The following AGXT2 variants were observed in gnomAD, a reference collection of about 807,000 sequenced individuals.
AGXT2 encodes the protein alanine--glyoxylate aminotransferase 2.
In AGXT2, 61 loss-of-function variants were observed where a neutral mutation model predicts 62.5. The ratio of observed to expected loss-of-function variants is 0.98; its 90% CI spans 0.79 to 1.21. The LOEUF (loss-of-function observed/expected upper bound fraction) is 1.21. Among genes scored for constraint, AGXT2 ranks in the 50% most tolerant of loss-of-function variants. The pLI is 0.00. For synonymous variants in AGXT2, 243 were observed against 218.7 expected, an observed-to-expected ratio of 1.11 and a Z score of -0.98; for missense variants, 666 against 641.5, an observed-to-expected ratio of 1.04 and a Z score of -0.41.
chr5:35,005,375 C>T (rs1174335340), intron 12 of AGXT2, among the ~76,000 whole-genome samples: 1 of 152,080 alleles, frequency 6.6e-6, no homozygotes, highest in African/African-American at 2.4e-5. Context: ...ATTACAGGCA[C>T]CTGCCACCAC....
At chr5:35,004,565 G>A (rs1446636844) in intron 12 of AGXT2, among the ~76,000 whole-genome samples, 2 of 152,144 alleles carry the variant, frequency 1.3e-5, no homozygotes, top group Admixed American at 6.5e-5. Context: ...GAGTACAAAC[G>A]TCTCCCTCTG....
chr5:35,019,453 A>G (rs1290020369), intron 9 of AGXT2, among the ~76,000 whole-genome samples: 1 of 151,362 alleles, frequency 6.6e-6, no homozygotes, highest in Non-Finnish European at 1.5e-5. Flanking sequence ...TGGAAACTGA[A>G]CAACCTGCTC....
chr5:35,042,007 T>C (rs1768008433), intron 1 of AGXT2, among the ~76,000 whole-genome samples: 1 of 152,228 alleles, frequency 6.6e-6, no homozygotes, highest in South Asian at 2.1e-4. Context: ...ATTGTGTCTC[T>C]CTGCATTCGT....
At chr5:35,021,654 C>T (rs1189773006) in intron 9 of AGXT2, among the ~76,000 whole-genome samples, 4 of 151,348 alleles carry the variant, frequency 2.6e-5, no homozygotes, top group Admixed American at 2.0e-4. Flanking sequence ...ATTCAGGACA[C>T]AGGCATGGGC....
chr5:35,032,534 G>A (rs1459130515), intron 7 of AGXT2, among the ~76,000 whole-genome samples, 198 bp downstream of exon 7: 1 of 152,166 alleles, frequency 6.6e-6, no homozygotes, highest in African/African-American at 2.4e-5. Context: ...CCAGACAGAT[G>A]GTCTGAGAGT....
intron 13 of AGXT2, among the ~76,000 whole-genome samples, chr5:34,999,215 T>C (rs1766139499): frequency 6.6e-6 from 1 of 152,246 alleles, no homozygotes; most frequent in South Asian, 2.1e-4. Context: ...TCCACCCTTC[T>C]GCAACCATTC....
chr5:35,015,533 C>T (rs763502108), intron 9 of AGXT2, among the ~76,000 whole-genome samples: 2 of 151,992 alleles, frequency 1.3e-5, no homozygotes, highest in Non-Finnish European at 2.9e-5. Context: ...CACTAGAAGC[C>T]GATTCTGAAA....
At chr5:35,015,491 A>C (rs1396000026) in intron 9 of AGXT2, among the ~76,000 whole-genome samples, 1 of 152,012 alleles carries the variant, frequency 6.6e-6, no homozygotes, top group Non-Finnish European at 1.5e-5. Context: ...CCACACATAC[A>C]CAAAATGCAA....
chr5:35,022,573 T>G, intron 9 of AGXT2, among the ~76,000 whole-genome samples: 1 of 74,348 alleles, frequency 1.3e-5, no homozygotes, highest in Non-Finnish European at 2.4e-5. Flanking sequence ...GGGACTGTTG[T>G]GGGGTGGGGG....
At chr5:35,024,428 T>C (rs915912269) in intron 9 of AGXT2, among the ~76,000 whole-genome samples, 17 of 152,204 alleles carry the variant, frequency 1.1e-4, no homozygotes, top group Admixed American at 3.3e-4. Context: ...CTTTATTTGA[T>C]ACACTCTAAT....
intron 9 of AGXT2, among the ~76,000 whole-genome samples, chr5:35,023,165 T>TAAAAAA (rs35852974): frequency 5.2e-4 from 14 of 26,908 alleles, no homozygotes; most frequent in African/African-American, 7.5e-4. Flanking sequence ...ATGGCAGATG[T>TAAAAAA]AAAAAAAAAA....
intron 9 of AGXT2, among the ~76,000 whole-genome samples, chr5:35,023,012 T>G (rs934429349): frequency 2.0e-5 from 3 of 151,690 alleles, no homozygotes; most frequent in African/African-American, 7.2e-5. Flanking sequence ...GCAAATTTTT[T>G]TTTTTAATTA....
At chr5:35,014,346 G>A (rs374015295) in intron 9 of AGXT2, among the ~76,000 whole-genome samples, 5 of 150,934 alleles carry the variant, frequency 3.3e-5, no homozygotes, top group African/African-American at 7.3e-5. Context: ...CCAGCTACTC[G>A]GGAGGCTGAG....
At chr5:35,021,036 A>T (rs1767058461) in intron 9 of AGXT2, among the ~76,000 whole-genome samples, 2 of 152,242 alleles carry the variant, frequency 1.3e-5, no homozygotes, top group Admixed American at 1.3e-4. Context: ...GGACCTCTTC[A>T]AGGAGAACTA....
At chr5:35,030,687 T>G (rs1427248557) in intron 7 of AGXT2, among the ~76,000 whole-genome samples, 1 of 152,166 alleles carries the variant, frequency 6.6e-6, no homozygotes, top group Non-Finnish European at 1.5e-5. Flanking sequence ...GAAGGCCTTA[T>G]AGTAGGCTTG....
intron 9 of AGXT2, among the ~76,000 whole-genome samples, chr5:35,017,626 C>A (rs761884454): frequency 3.8e-4 from 58 of 152,172 alleles, no homozygotes; most frequent in Non-Finnish European, 1.6e-4. Context: ...GTCCTTTAAA[C>A]CTCTTTTTCT....
chr5:35,033,822 T>C (rs1369776168), intron 5 of AGXT2, among the ~76,000 whole-genome samples: 1 of 152,216 alleles, frequency 6.6e-6, no homozygotes, highest in African/African-American at 2.4e-5. Flanking sequence ...TACTCTATTA[T>C]TCCATAGTAA....
At chr5:35,023,265 A>T (rs1282224075) in intron 9 of AGXT2, among the ~76,000 whole-genome samples, 1 of 152,050 alleles carries the variant, frequency 6.6e-6, no homozygotes, top group Non-Finnish European at 1.5e-5. Context: ...ATGAGAAAGG[A>T]CTAATACGTG....
chr5:35,008,592 CAAAT>C (rs1766515319), intron 12 of AGXT2, among the ~76,000 whole-genome samples: 1 of 152,134 alleles, frequency 6.6e-6, no homozygotes, highest in African/African-American at 2.4e-5. Context: ...GGGGTCAAAA[CAAAT>C]AAATAAATAA....
Sources: allele counts gnomAD v4.1 joint callset (sites outside exome capture counted in the v4.1 genomes callset), GRCh38; gene constraint gnomAD v4.1.1; transcripts MANE v1.5; gene names NCBI Gene and HGNC (gene_info 2026-07-23, HGNC 2026-07-21).